Variants in MANBA observed in about 807,000 individuals in gnomAD.
MANBA encodes the protein mannosidase beta, also known as beta-mannosidase.
MANBA carries 83 observed loss-of-function variants against 111.1 expected under a neutral mutation model. That is an observed-to-expected ratio of 0.75 (90% CI 0.63 to 0.90). The LOEUF is 0.90. Ranked by LOEUF, MANBA falls within the 40% of genes least tolerant of loss-of-function variation. The pLI is 0.00. For synonymous variants in MANBA, 370 were observed against 378.7 expected (o/e 0.98, Z 0.27); for missense variants, 1,036 against 1,069.0 (o/e 0.97, Z 0.43).
chr4:102,706,906 G>A (rs1242123319), intron 5 of MANBA, among the ~76,000 whole-genome samples: 1 of 152,064 alleles, frequency 6.6e-6, no homozygotes, highest in East Asian at 1.9e-4. Context: ...AAAAAAGATT[G>A]ACAAAAGACT....
chr4:102,671,088 C>A, intron 9 of MANBA, 193 bp downstream of exon 9: 1 of 503,950 alleles, frequency 2.0e-6, no homozygotes, highest in Non-Finnish European at 3.6e-6. Flanking sequence ...GGATATCTAT[C>A]ATTTAAAAAT....
intron 13 of MANBA, among the ~76,000 whole-genome samples, chr4:102,646,439 A>G (rs1560745750): frequency 6.6e-6 from 1 of 152,144 alleles, no homozygotes; most frequent in Non-Finnish European, 1.5e-5. Flanking sequence ...TGATCAAGTT[A>G]CTTACAGCAC....
At chr4:102,686,410 A>G (rs1732219386) in intron 7 of MANBA, among the ~76,000 whole-genome samples, 1 of 152,154 alleles carries the variant, frequency 6.6e-6, no homozygotes. Flanking sequence ...TCAGTTGCCT[A>G]TGTGAAGCCA....
chr4:102,730,120 G>T, intron 1 of MANBA: 2 of 1,177,998 alleles, frequency 1.7e-6, no homozygotes, highest in Non-Finnish European at 2.4e-6. Context: ...CTGAAGGCCC[G>T]GGGCCCAGAG....
At chr4:102,750,289 G>C (rs948081061) in intron 1 of MANBA, among the ~76,000 whole-genome samples, 1 of 151,616 alleles carries the variant, frequency 6.6e-6, no homozygotes, top group Non-Finnish European at 1.5e-5. Flanking sequence ...AAATGATCAC[G>C]TAAAGCCAAA....
intron 7 of MANBA, among the ~76,000 whole-genome samples, chr4:102,675,116 A>G (rs1731670155): frequency 6.6e-6 from 1 of 152,240 alleles, no homozygotes; most frequent in Non-Finnish European, 1.5e-5. Context: ...TTCAGAGGTG[A>G]CTTTTAAAAC....
chr4:102,660,133 C>A (rs781331670), intron 11 of MANBA, among the ~76,000 whole-genome samples: 5 of 152,192 alleles, frequency 3.3e-5, no homozygotes, highest in Non-Finnish European at 7.3e-5. Context: ...AAGCAGAATT[C>A]TTTATTTACT....
At chr4:102,729,082 C>G in intron 1 of MANBA, 2 of 763,490 alleles carry the variant, frequency 2.6e-6, no homozygotes, top group Non-Finnish European at 4.8e-6. Context: ...CCATGTCCTG[C>G]TTGGCCTGCT....
chr4:102,708,974 A>G (rs1721886027), intron 5 of MANBA, among the ~76,000 whole-genome samples: 1 of 152,070 alleles, frequency 6.6e-6, no homozygotes, highest in African/African-American at 2.4e-5. Flanking sequence ...ACTGAAAAAC[A>G]TAGAGAAAAT....
Position 102,689,685 on chromosome 4 carries a change from C to A in MANBA, c.850-1G>T, listed in dbSNP as rs1732388831. ...GCCACCAAGTTTCTACAGTAATATT[C>A]TTTTAAGAAAATTTAAAAGTCACTC... On this transcript the variant is annotated splice_acceptor_variant, in intron 6 of 16. Coordinates refer to ENST00000647097, the MANE Select transcript of MANBA (RefSeq NM_005908.4). LOFTEE classifies it high-confidence loss of function. 6.4e-7 allele frequency: 1 copy of A among 1,551,694 alleles called. No homozygotes were observed. Among genetic ancestry groups the A allele is most frequent in the Non-Finnish European group, 8.9e-7 (1 of 1,123,786 alleles).
chr4:102,729,082 C>T, intron 1 of MANBA: 1 of 763,490 alleles, frequency 1.3e-6, no homozygotes, highest in Non-Finnish European at 2.4e-6. Context: ...CCATGTCCTG[C>T]TTGGCCTGCT....
chr4:102,708,215 A>G (rs1733390616), intron 5 of MANBA, among the ~76,000 whole-genome samples: 2 of 152,208 alleles, frequency 1.3e-5, no homozygotes, highest in South Asian at 4.1e-4. Flanking sequence ...TCTTCTCATT[A>G]GCACATAGCA....
At chr4:102,720,796 T>C (rs533790075) in intron 4 of MANBA, among the ~76,000 whole-genome samples, 3 of 152,302 alleles carry the variant, frequency 2.0e-5, no homozygotes, top group South Asian at 2.1e-4. Context: ...TTACAGTAAT[T>C]TGAACAAATG....
chr4:102,685,957 T>G (rs1234090980), intron 7 of MANBA, among the ~76,000 whole-genome samples: 1 of 151,902 alleles, frequency 6.6e-6, no homozygotes, highest in Non-Finnish European at 1.5e-5. Context: ...GGCCCTTGTG[T>G]CCTTTCAATG....
intron 1 of MANBA, among the ~76,000 whole-genome samples, chr4:102,740,360 A>C (rs1320616979): frequency 6.6e-6 from 1 of 152,216 alleles, no homozygotes; most frequent in Non-Finnish European, 1.5e-5. Context: ...TGTGAAAATG[A>C]CCATACTGCC....
At chr4:102,660,609 C>T (rs560486870) in intron 11 of MANBA, among the ~76,000 whole-genome samples, 14 of 151,856 alleles carry the variant, frequency 9.2e-5, no homozygotes, top group African/African-American at 3.4e-4. Flanking sequence ...GCACATGTCA[C>T]TATGCCCAAA....
intron 2 of MANBA, 79 bp from the exon 3 acceptor site, chr4:102,724,046 C>G: frequency 1.3e-6 from 1 of 770,390 alleles, no homozygotes; most frequent in Non-Finnish European, 2.2e-6. Context: ...TATTTAAGGC[C>G]TAAAGAAATA....
chr4:102,725,424 G>A (rs1027267539), intron 2 of MANBA, among the ~76,000 whole-genome samples: 3 of 152,204 alleles, frequency 2.0e-5, no homozygotes, highest in African/African-American at 7.2e-5. Flanking sequence ...CGACTCATAT[G>A]TGTAATTTGG....
At chr4:102,684,486 G>A (rs898644251) in intron 7 of MANBA, among the ~76,000 whole-genome samples, 6 of 152,242 alleles carry the variant, frequency 3.9e-5, no homozygotes, top group Middle Eastern at 3.4e-3. Flanking sequence ...TATGTGCTCC[G>A]AGTGTTATAT....
Sources: gnomAD v4.1 joint callset for allele counts (sites outside exome capture counted in the v4.1 genomes callset) on GRCh38, gnomAD v4.1.1 for gene constraint, MANE v1.5 for transcripts, NCBI Gene and HGNC (gene_info 2026-07-23, HGNC 2026-07-21) for gene names.